Variants in MUCL1 observed in about 807,000 individuals in gnomAD.
The protein encoded by MUCL1 is mucin like 1, also known as mucin-like protein 1.
Under a neutral mutation model 9.2 loss-of-function variants are expected in MUCL1, and 11 were observed. The observed-to-expected ratio is 1.19, with a 90% CI of 0.75 to 1.97. MUCL1 has a LOEUF of 1.97. Ranked by LOEUF, MUCL1 falls within the 30% of genes most tolerant of loss-of-function variation. The pLI is 0.00. For synonymous variants in MUCL1, 48 were observed against 40.5 expected (o/e 1.19, Z -0.71); for missense variants, 144 against 110.9 (o/e 1.30, Z -1.34).
intron 1 of MUCL1, among the ~76,000 whole-genome samples, chr12:54,842,681 A>C (rs1332860030): frequency 2.6e-5 from 4 of 152,178 alleles, no homozygotes; most frequent in African/African-American, 9.6e-5. Context: ...AGTTGATTTT[A>C]AATTCTCATT....
chr12:54,835,473 CATT>C (rs549132015), upstream of MUCL1, among the ~76,000 whole-genome samples: 553 of 152,140 alleles, frequency 3.6e-3, no homozygotes, highest in Non-Finnish European at 5.9e-3. Context: ...GATGGTGTCT[CATT>C]GTAGTTTTAA....
At chr12:54,839,712 G>A (rs994853938) in intron 1 of MUCL1, among the ~76,000 whole-genome samples, 2 of 152,130 alleles carry the variant, frequency 1.3e-5, no homozygotes, top group African/African-American at 4.8e-5. Context: ...TACTCCTTGT[G>A]GAAGCCTGAA....
upstream of MUCL1, among the ~76,000 whole-genome samples, chr12:54,835,078 A>G (rs1959190682): frequency 1.3e-5 from 2 of 152,092 alleles, no homozygotes; most frequent in Admixed American, 6.6e-5. Context: ...GCTGCAAAAA[A>G]CACTATTTCA....
At chr12:54,841,529 G>C (rs374948219) in intron 1 of MUCL1, among the ~76,000 whole-genome samples, 1 of 152,070 alleles carries the variant, frequency 6.6e-6, no homozygotes, top group African/African-American at 2.4e-5. Flanking sequence ...TTCAATAATA[G>C]CCATTCCACT....
chr12:54,849,491 G>T (rs1403504135), intron 1 of MUCL1, among the ~76,000 whole-genome samples: 2 of 152,008 alleles, frequency 1.3e-5, no homozygotes, highest in Non-Finnish European at 2.9e-5. Flanking sequence ...ATGGGAAAGA[G>T]CAGTAGTAAA....
chr12:54,840,507 G>T (rs748617562), intron 1 of MUCL1, among the ~76,000 whole-genome samples: 6 of 152,212 alleles, frequency 3.9e-5, no homozygotes, highest in Non-Finnish European at 7.3e-5. Flanking sequence ...GTAGCAGTGG[G>T]ATTGGTGTTT....
intron 1 of MUCL1, among the ~76,000 whole-genome samples, chr12:54,831,569 A>T (rs1959185452): frequency 6.6e-6 from 1 of 152,132 alleles, no homozygotes; most frequent in African/African-American, 2.4e-5. Context: ...CCTGAAAAAT[A>T]GTTTCTTTTT....
intron 1 of MUCL1, among the ~76,000 whole-genome samples, chr12:54,840,303 G>A (rs1028267674): frequency 1.4e-4 from 22 of 152,188 alleles, no homozygotes; most frequent in Admixed American, 1.1e-3. Flanking sequence ...AGCTGCAGTA[G>A]TAATAAACTG....
chr12:54,840,770 C>A (rs934167612), intron 1 of MUCL1, among the ~76,000 whole-genome samples: 5 of 152,142 alleles, frequency 3.3e-5, no homozygotes, highest in Non-Finnish European at 7.4e-5. Context: ...GCTGCCTCTG[C>A]CACACAAAAG....
upstream of MUCL1, among the ~76,000 whole-genome samples, chr12:54,853,753 C>T (rs527373865): frequency 5.5e-4 from 83 of 152,030 alleles, no homozygotes; most frequent in Non-Finnish European, 6.3e-4. Context: ...CCTGCAAAAC[C>T]ATGTATTAAA....
chr12:54,855,194 T>C (rs374237698), intron 2 of MUCL1, 37 bp downstream of exon 2: 2 of 1,599,602 alleles, frequency 1.3e-6, no homozygotes, highest in Non-Finnish European at 1.7e-6. Flanking sequence ...TTTCCAGCAA[T>C]AACCATTTTT....
upstream of MUCL1, among the ~76,000 whole-genome samples, chr12:54,838,864 T>G (rs1245321505): frequency 6.6e-6 from 1 of 152,100 alleles, no homozygotes; most frequent in Non-Finnish European, 1.5e-5. Flanking sequence ...GGGTTTCACC[T>G]TTCTCTTGTA....
chr12:54,836,830 A>G (rs1197610033), upstream of MUCL1, among the ~76,000 whole-genome samples: 2 of 152,136 alleles, frequency 1.3e-5, no homozygotes, highest in Non-Finnish European at 1.5e-5. Flanking sequence ...TCTTGATTTC[A>G]TTGTTAACCT....
Position 54,856,844 on chromosome 12 carries a change from A to G in MUCL1, c.175A>G (p.Thr59Ala), listed in dbSNP as rs138424285. The stretch of plus-strand genomic sequence containing the variant: ...AACCACTGCAACCACTGCTGCTCCT[A>G]CCACTGCAACCACCGCTGCTTCTAC... The part of the protein sequence containing the change: ...AATTATTAAP[T>A]TATTAASTTA... Residue 59 changes from threonine (T) to alanine (A), a missense_variant, in exon 3 of 4, where the codon ACC (threonine) becomes GCC (alanine). Thr to Ala is a moderately conservative substitution (Grantham distance 58). Coordinates refer to ENST00000308796, the MANE Select transcript of MUCL1 (RefSeq NM_058173.3). The G allele has an allele frequency of 4.0e-5, 65 of 1,612,190 alleles. No homozygotes were observed. In the African/African-American group the frequency reaches 5.9e-4, roughly 15 times the overall value.
upstream of MUCL1, among the ~76,000 whole-genome samples, chr12:54,853,747 C>G (rs78203233): frequency 0.025 from 3,808 of 152,154 alleles, 180 homozygotes; most frequent in East Asian, 0.17. Context: ...TGAATTCCTG[C>G]AAAACCATGT....
In MUCL1 at chr12:54,845,780, T is replaced by C. The variant is rs368080405; in HGVS notation, c.43+6333T>C. Among the ~76,000 whole-genome samples, 73 of 152,294 alleles carry C rather than the reference T, an allele frequency of 4.8e-4. 1 individual carries two copies. In the East Asian group the frequency reaches 0.01, roughly 21 times the overall value. On this transcript the variant is annotated intron_variant, in intron 1 of 3. Coordinates refer to the MUCL1 transcript ENST00000546809. ...TGTACTGCTAAATATTTAGTGTATG[T>C]TTTAGCCAAAATTTTCTTACATACC...
In MUCL1 at chr12:54,854,635, C is replaced by T. The variant is rs760140523; in HGVS notation, c.53C>T (p.Ser18Phe). 2.5e-6 allele frequency: 4 copies of T among 1,612,934 alleles called. No individual in the cohort carries two copies. The East Asian group carries it at 6.7e-5, about 27-fold the overall frequency. Residue 18 changes from serine to phenylalanine, a missense_variant, in exon 1 of 4, where the codon TCT (serine) becomes TTT (phenylalanine). Physicochemically the swap from Ser to Phe is radical, Grantham distance 155. Transcript: ENST00000308796. ...TTGGGAGTTTCCATCTTTCTGGTCTCTGCCCGTAAGTAAAGATTCTTACCT... is the reference window on the plus strand; with the variant it reads ...TTGGGAGTTTCCATCTTTCTGGTCTTTGCCCGTAAGTAAAGATTCTTACCT... Reference protein sequence around the residue: ...VLLGVSIFLVSAQNPTTAAPA... With the variant: ...VLLGVSIFLVFAQNPTTAAPA...
intron 1 of MUCL1, among the ~76,000 whole-genome samples, chr12:54,845,127 C>A (rs1021208622): frequency 2.6e-5 from 4 of 152,218 alleles, no homozygotes; most frequent in African/African-American, 9.6e-5. Context: ...AATGCCCACA[C>A]ATGGCCTTTC....
chr12:54,846,092 G>A (rs1212081350), intron 1 of MUCL1, among the ~76,000 whole-genome samples: 1 of 152,124 alleles, frequency 6.6e-6, no homozygotes, highest in Non-Finnish European at 1.5e-5. Flanking sequence ...ATGTGATCCA[G>A]TTTTTCCGGT....
Sources: allele counts gnomAD v4.1 joint callset (sites outside exome capture counted in the v4.1 genomes callset), GRCh38; gene constraint gnomAD v4.1.1; transcripts MANE v1.5; gene names NCBI Gene and HGNC (gene_info 2026-07-23, HGNC 2026-07-21).